The following TRIM24 variants were observed in gnomAD, a reference collection of about 807,000 sequenced individuals.
TRIM24 encodes the protein tripartite motif containing 24.
A neutral mutation model predicts 123.9 loss-of-function variants in TRIM24; 29 were observed. The ratio of observed to expected loss-of-function variants is 0.23; its 90% CI spans 0.17 to 0.32. TRIM24 has a LOEUF of 0.32. Ranked by LOEUF, TRIM24 falls within the 10% of genes least tolerant of loss-of-function variation. The pLI is 1.00. For missense variants in TRIM24, 932 were observed against 1,295.3 expected (o/e 0.72, Z 4.31); for synonymous variants, 456 against 461.1 (o/e 0.99, Z 0.14).
intron 8 of TRIM24, among the ~76,000 whole-genome samples, chr7:138,552,858 G>A (rs1797240064): frequency 6.6e-6 from 1 of 152,106 alleles, no homozygotes; most frequent in African/African-American, 2.4e-5. Context: ...TACAGAACAT[G>A]TGTATAAGTA....
chr7:138,509,082 G>A (rs1315045088), intron 2 of TRIM24, among the ~76,000 whole-genome samples: 1 of 151,844 alleles, frequency 6.6e-6, no homozygotes, highest in Non-Finnish European at 1.5e-5. Context: ...CCGAGTAGCT[G>A]GGACTACAGG....
At chr7:138,566,751 A>C (rs1309519397) in intron 9 of TRIM24, among the ~76,000 whole-genome samples, 1 of 152,208 alleles carries the variant, frequency 6.6e-6, no homozygotes, top group African/African-American at 2.4e-5. Context: ...CATAAGACTC[A>C]ATAACATAAT....
chr7:138,508,662 AGTGTGTGTGT>A (rs781643258), intron 2 of TRIM24, among the ~76,000 whole-genome samples: 8 of 112,898 alleles, frequency 7.1e-5, no homozygotes, highest in South Asian at 5.9e-4. Context: ...TAATAAGAGG[AGTGTGTGTGT>A]GTGTGTGTGT....
chr7:138,478,017 GA>G (rs2116470927), intron 1 of TRIM24, among the ~76,000 whole-genome samples: 1 of 152,316 alleles, frequency 6.6e-6, no homozygotes, highest in East Asian at 1.9e-4. Context: ...ATTCGAGAAT[GA>G]AATTGCTTGA....
intron 15 of TRIM24, 134 bp downstream of exon 15, chr7:138,579,666 C>G (rs533958785): frequency 2.1e-5 from 15 of 705,460 alleles, no homozygotes; most frequent in Admixed American, 1.8e-4. Flanking sequence ...AATGAATAGT[C>G]TAGGTTTTCC....
At chr7:138,520,003 G>A (rs1157226366) in intron 4 of TRIM24, among the ~76,000 whole-genome samples, 2 of 152,130 alleles carry the variant, frequency 1.3e-5, no homozygotes, top group Non-Finnish European at 2.9e-5. Flanking sequence ...TCAACAGTGA[G>A]AATGACTAGA....
rs1798052692 is a variant in TRIM24 at position 138,588,389 on chromosome 7, TC to T, written c.*3439del. 1 of 152,242 alleles carries T rather than the reference TC, an allele frequency of 6.6e-6. No homozygotes were observed. The highest frequency in any genetic ancestry group is 1.5e-5 in the Non-Finnish European group (1 of 68,044). The allele number at this position is 152,242 out of a possible 1,614,324, so 9.4% of individuals were successfully genotyped here. ...GTTGTGAATGAGAGAAATTGAGTGA[TC>T]TGATTGGCCATTAAAATTATGGTGA... On this transcript the variant is annotated 3_prime_UTR_variant, in exon 19 of 19. Transcript: ENST00000343526.
At chr7:138,537,397 T>G (rs1796911597) in intron 6 of TRIM24, among the ~76,000 whole-genome samples, 1 of 139,122 alleles carries the variant, frequency 7.2e-6, no homozygotes, top group African/African-American at 2.7e-5. Flanking sequence ...TTTTTTTTTT[T>G]TTTTTTTTTT....
At chr7:138,536,478 C>A (rs1485886932) in intron 6 of TRIM24, among the ~76,000 whole-genome samples, 1 of 152,216 alleles carries the variant, frequency 6.6e-6, no homozygotes, top group Non-Finnish European at 1.5e-5. Context: ...TGGTGGAGGT[C>A]CACTCCAGAC....
chr7:138,559,523 T>C (rs1338940948), intron 9 of TRIM24, among the ~76,000 whole-genome samples: 8 of 152,222 alleles, frequency 5.3e-5, no homozygotes, highest in Admixed American at 5.2e-4. Context: ...CTGATGGTGC[T>C]CACGCTTCAG....
chr7:138,520,840 A>T (rs1246619305), intron 4 of TRIM24, among the ~76,000 whole-genome samples: 1 of 152,232 alleles, frequency 6.6e-6, no homozygotes, highest in Non-Finnish European at 1.5e-5. Context: ...CAAGAGGAGG[A>T]TGAAAAGTAG....
intron 2 of TRIM24, among the ~76,000 whole-genome samples, chr7:138,509,850 T>G (rs897011208): frequency 2.0e-5 from 3 of 151,598 alleles, no homozygotes; most frequent in African/African-American, 7.3e-5. Context: ...TGCAAAAGGA[T>G]GGAATTATTA....
Position 138,589,953 on chromosome 7 carries a change from G to A in TRIM24, c.*5002G>A, listed in dbSNP as rs927919799. ...GTCCTAAAAAAATCTTTCCTTGTTAGTTGCAAGTTAAACATTTAATAAAAT... is the reference window on the plus strand; with the variant it reads ...GTCCTAAAAAAATCTTTCCTTGTTAATTGCAAGTTAAACATTTAATAAAAT... On this transcript the variant is annotated 3_prime_UTR_variant, in exon 19 of 19. Transcript: ENST00000343526. 45 of 152,074 alleles carry A rather than the reference G, an allele frequency of 3.0e-4. No individual in the cohort carries two copies. The highest frequency in any genetic ancestry group is 1.1e-3 in the African/African-American group (44 of 41,392). 9.4% of individuals were successfully genotyped at this position (152,074 alleles called of 1,614,324 possible). A position where few individuals can be genotyped will look rare whatever the true frequency, so the allele number is the denominator to read the frequency against.
intron 15 of TRIM24, among the ~76,000 whole-genome samples, chr7:138,579,953 G>A (rs536088217): frequency 8.5e-5 from 13 of 152,050 alleles, no homozygotes; most frequent in Non-Finnish European, 1.6e-4. Flanking sequence ...AAAAATAACA[G>A]GCCCTTTAAA....
At chr7:138,525,636 A>C (rs181774021) in intron 5 of TRIM24, among the ~76,000 whole-genome samples, 10 of 152,296 alleles carry the variant, frequency 6.6e-5, no homozygotes, top group Admixed American at 5.9e-4. Flanking sequence ...AGAAATACCA[A>C]AATTTAAATG....
At chr7:138,550,278 A>C (rs1258286830) in intron 7 of TRIM24, among the ~76,000 whole-genome samples, 2 of 151,432 alleles carry the variant, frequency 1.3e-5, no homozygotes, top group African/African-American at 4.9e-5. Flanking sequence ...AGGAGAGTGA[A>C]GTGAGCATAC....
chr7:138,470,589 C>T (rs1795252532), intron 1 of TRIM24, among the ~76,000 whole-genome samples: 2 of 152,166 alleles, frequency 1.3e-5, no homozygotes, highest in Admixed American at 1.3e-4. Flanking sequence ...GGAGGCTGCT[C>T]ACAAAAGCCC....
intron 7 of TRIM24, among the ~76,000 whole-genome samples, chr7:138,548,161 G>A (rs900470654): frequency 2.0e-5 from 3 of 152,084 alleles, no homozygotes; most frequent in Admixed American, 6.6e-5. Context: ...TGGTAATTTC[G>A]GCATTGTGTG....
chr7:138,480,322 G>T (rs1006287925), intron 1 of TRIM24, among the ~76,000 whole-genome samples: 18 of 152,094 alleles, frequency 1.2e-4, no homozygotes, highest in African/African-American at 4.3e-4. Flanking sequence ...CTGTAACCTA[G>T]CTTTGTCTGT....
Sources: gnomAD v4.1 joint callset for allele counts (sites outside exome capture counted in the v4.1 genomes callset) on GRCh38, gnomAD v4.1.1 for gene constraint, MANE v1.5 for transcripts, NCBI Gene and HGNC (gene_info 2026-07-23, HGNC 2026-07-21) for gene names.